SPTLC2: variants seen among roughly 807,000 people sequenced by gnomAD.
SPTLC2 encodes the protein serine palmitoyltransferase 2.
Under a neutral mutation model 62.0 loss-of-function variants are expected in SPTLC2, and 21 were observed. The observed-to-expected ratio is 0.34, with a 90% CI of 0.24 to 0.49. The LOEUF (loss-of-function observed/expected upper bound fraction) is 0.49, where lower values mean the gene tolerates loss of function less well. Ranked by LOEUF, SPTLC2 falls within the 20% of genes least tolerant of loss-of-function variation. The pLI is 0.99. For synonymous variants in SPTLC2, 261 were observed against 261.8 expected, an observed-to-expected ratio of 1.00 and a Z score of 0.03; for missense variants, 511 against 713.0, an observed-to-expected ratio of 0.72 and a Z score of 3.23.
intron 5 of SPTLC2, among the ~76,000 whole-genome samples, chr14:77,568,257 G>A (rs2079657382): frequency 6.6e-6 from 1 of 152,028 alleles, no homozygotes; most frequent in African/African-American, 2.4e-5. Context: ...AATATTCAAA[G>A]GTTTTCCAGA....
intron 8 of SPTLC2, among the ~76,000 whole-genome samples, chr14:77,553,729 CAAAAAAAAA>C (rs34500527): frequency 2.1e-3 from 201 of 96,564 alleles, no homozygotes; most frequent in African/African-American, 8.0e-3. Context: ...GGCTTGGTCT[CAAAAAAAAA>C]AAAAAAAAAA....
rs1462071000 is a variant in SPTLC2 at position 77,533,925 on chromosome 14, G to A, written c.1304-12344C>T. Among the ~76,000 whole-genome samples, 7 of 152,166 alleles carry A rather than the reference G, an allele frequency of 4.6e-5. No homozygotes were observed. In the East Asian group the frequency reaches 5.8e-4, roughly 13 times the overall value. ...GTAATCCCAGCACTCTTGGGAGGCC[G>A]AGGCGGGAGGATCCCTTGAGCTCAG... On this transcript the variant is annotated intron_variant, in intron 9 of 11. Transcript: ENST00000216484.
rs145423464 is a variant in SPTLC2, at chr14:77,520,675, T to C, written c.1439+771A>G. Among the ~76,000 whole-genome samples, 28 of 152,354 alleles carry C rather than the reference T, an allele frequency of 1.8e-4. No individual in the cohort carries two copies. In the East Asian group the frequency reaches 5.4e-3, roughly 29 times the overall value. On this transcript the variant is annotated intron_variant, in intron 10 of 11. Transcript: ENST00000216484. ...GCTTTTCAAATGTCTTCTGGTTTCATTATACATCTGGACTTCTCAAATACA... is the reference window on the plus strand; with the variant it reads ...GCTTTTCAAATGTCTTCTGGTTTCACTATACATCTGGACTTCTCAAATACA...
intron 9 of SPTLC2, among the ~76,000 whole-genome samples, chr14:77,528,950 C>T (rs550833111): frequency 1.2e-3 from 176 of 152,226 alleles, no homozygotes; most frequent in African/African-American, 4.1e-3. Flanking sequence ...ATTCTCCTGC[C>T]TCAGCCTTCT....
Position 77,576,851 on chromosome 14 carries a change from G to A in SPTLC2, c.547C>T (p.Arg183Trp), listed in dbSNP as rs775437084. The change falls in exon 4 of 12, where the codon CGG becomes TGG. Residue 183 changes from arginine to tryptophan, a missense_variant. Coordinates refer to ENST00000216484, the MANE Select transcript of SPTLC2 (RefSeq NM_004863.4). ...MGSYNYLGFA[R>W]NTGSCQEAAA... is the part of the protein sequence containing the mutation. ...GCTTCTTGACATGATCCAGTATTCCGTGCAAATCCAAGATAGTTGTAGGAA... is the reference window on the plus strand; with the variant it reads ...GCTTCTTGACATGATCCAGTATTCCATGCAAATCCAAGATAGTTGTAGGAA... The A allele has an allele frequency of 5.0e-6, 8 of 1,614,060 alleles. No homozygotes were observed. The highest frequency in any genetic ancestry group is 1.7e-5 in the Admixed American group (1 of 60,012).
chr14:77,552,287 T>C (rs2079559792), intron 8 of SPTLC2, 65 bp from the exon 9 acceptor site: 12 of 1,593,170 alleles, frequency 7.5e-6, no homozygotes, highest in Non-Finnish European at 1.0e-5. Context: ...TGTCAGTCCT[T>C]TCCTTCTAAG....
chr14:77,523,349 G>A (rs1271544907), intron 9 of SPTLC2, among the ~76,000 whole-genome samples: 1 of 152,202 alleles, frequency 6.6e-6, no homozygotes, highest in Non-Finnish European at 1.5e-5. Flanking sequence ...GCAGGCTGCT[G>A]CACAGGGAAG....
chr14:77,549,985 G>C (rs1037351218), intron 9 of SPTLC2, among the ~76,000 whole-genome samples: 1 of 152,162 alleles, frequency 6.6e-6, no homozygotes, highest in East Asian at 1.9e-4. Context: ...CCTATGTGAA[G>C]TACCTAGAGA....
chr14:77,570,470 C>T lies in SPTLC2; in HGVS notation c.670G>A (p.Ala224Thr), dbSNP rs1394198672. Residue 224 changes from alanine (A) to threonine (T), a missense_variant, in exon 5 of 12, where the codon GCA becomes ACA. Ala to Thr is a moderately conservative substitution (Grantham distance 58). Coordinates refer to ENST00000216484, the MANE Select transcript of SPTLC2 (RefSeq NM_004863.4). Reference sequence around the variant, plus strand: ...GCAGCTTCTACTCCTAAGAACCTTGCTACAAGCTCCTCTAGTTCTTCATGC... The same window carrying T: ...GCAGCTTCTACTCCTAAGAACCTTGTTACAAGCTCCTCTAGTTCTTCATGC... The part of the protein sequence containing the change: ...DKHEELEELV[A>T]RFLGVEAAMA... 6.2e-7 allele frequency: 1 copy of T among 1,613,962 alleles called. No homozygotes were observed. Among genetic ancestry groups the T allele is most frequent in the Non-Finnish European group, 8.5e-7 (1 of 1,179,984 alleles).
intron 4 of SPTLC2, among the ~76,000 whole-genome samples, chr14:77,574,161 G>A (rs1407113208): frequency 2.6e-5 from 4 of 152,154 alleles, no homozygotes; most frequent in African/African-American, 9.7e-5. Context: ...TTTTGTTACA[G>A]CAGCCACAGG....
intron 4 of SPTLC2, among the ~76,000 whole-genome samples, chr14:77,570,900 G>T (rs1044293381): frequency 9.3e-5 from 3 of 32,144 alleles, no homozygotes; most frequent in South Asian, 9.4e-4. Context: ...GAACATGGGC[G>T]GGGGGATGGG....
chr14:77,562,300 A>C, intron 6 of SPTLC2, 96 bp downstream of exon 6: 1 of 1,079,074 alleles, frequency 9.3e-7, no homozygotes, highest in Non-Finnish European at 1.4e-6. Context: ...GTCTTCATTT[A>C]TACTTTCAAG....
Position 77,512,249 on chromosome 14 carries a change from G to T in SPTLC2, c.*35C>A. 2.5e-6 allele frequency: 4 copies of T among 1,612,846 alleles called. No individual in the cohort carries two copies. The East Asian group carries it at 8.9e-5, about 36-fold the overall frequency. Reference sequence around the variant, plus strand: ...ACAAAGGCCACAGGCTGTCCTGGGTGAGGGAGAGTTCCTCTGAGGGAGCAC... The same window carrying T: ...ACAAAGGCCACAGGCTGTCCTGGGTTAGGGAGAGTTCCTCTGAGGGAGCAC... On this transcript the variant is annotated 3_prime_UTR_variant, in exon 12 of 12. Transcript: ENST00000216484.
At position 77,509,156 on chromosome 14, in the gene SPTLC2, G is replaced by A. The variant is rs1239446611; in HGVS notation, c.*3128C>T. 1 of 152,116 alleles carries A rather than the reference G, an allele frequency of 6.6e-6. No individual in the cohort carries two copies. Among genetic ancestry groups the A allele is most frequent in the African/African-American group, 2.4e-5 (1 of 41,414 alleles). The allele number at this position is 152,116 out of a possible 1,614,324, so 9.4% of individuals were successfully genotyped here. A position where few individuals can be genotyped will look rare whatever the true frequency, so the allele number is the denominator to read the frequency against. ...TTTACGATAGTGACTAAAGCACTAC[G>A]ATGGCTGGATTCTTCAAACAAATAA... On this transcript the variant is annotated 3_prime_UTR_variant, in exon 12 of 12. Transcript: ENST00000216484.
At chr14:77,528,534 C>T (rs550167957) in intron 9 of SPTLC2, among the ~76,000 whole-genome samples, 7 of 151,908 alleles carry the variant, frequency 4.6e-5, no homozygotes, top group African/African-American at 9.6e-5. Context: ...CCCAGCCCCC[C>T]CTTTTCTTCT....
Position 77,557,158 on chromosome 14 carries a change from A to G in SPTLC2, c.851-12T>C, listed in dbSNP as rs1375123759. 12 of 1,602,312 alleles carry G rather than the reference A, an allele frequency of 7.5e-6. No homozygotes were observed. Among genetic ancestry groups the G allele is most frequent in the Non-Finnish European group, 9.4e-6 (11 of 1,171,066 alleles). ...TAGGCTTTGCATATCTACAGAGCAC[A>G]AAAAAGAACAGTTATACCGCATCTT... is the stretch of plus-strand genomic sequence containing the variant. On this transcript the variant is annotated splice_polypyrimidine_tract_variant and intron_variant, in intron 6 of 11. Coordinates refer to ENST00000216484, the MANE Select transcript of SPTLC2 (RefSeq NM_004863.4).
chr14:77,589,777 G>A (rs900406696), intron 2 of SPTLC2, among the ~76,000 whole-genome samples: 2 of 142,956 alleles, frequency 1.4e-5, no homozygotes, highest in South Asian at 2.2e-4. Context: ...GCGACAGAGC[G>A]AGAGTCCGTC....
At chr14:77,540,097 G>C (rs779240451) in intron 9 of SPTLC2, among the ~76,000 whole-genome samples, 11 of 151,654 alleles carry the variant, frequency 7.3e-5, no homozygotes, top group Non-Finnish European at 1.0e-4. Context: ...TCGGGAAGCT[G>C]AGGCAGGAGA....
At chr14:77,577,020 T>A in intron 3 of SPTLC2, 105 bp from the exon 4 acceptor site, 3 of 1,327,160 alleles carry the variant, frequency 2.3e-6, no homozygotes, top group Non-Finnish European at 3.2e-6. Flanking sequence ...GAACAAAGTC[T>A]ATATTAAAAA....
Sources: allele counts gnomAD v4.1 joint callset (sites outside exome capture counted in the v4.1 genomes callset), GRCh38; gene constraint gnomAD v4.1.1; transcripts MANE v1.5; gene names NCBI Gene and HGNC (gene_info 2026-07-23, HGNC 2026-07-21).